HIVEP3: variants seen among roughly 807,000 people sequenced by gnomAD.
HIVEP3 encodes the protein transcription factor HIVEP3.
Under a neutral mutation model 152.8 loss-of-function variants are expected in HIVEP3, and 49 were observed. The observed-to-expected ratio is 0.32, with a 90% CI of 0.26 to 0.41. HIVEP3 has a LOEUF of 0.41. Ranked by LOEUF, HIVEP3 falls within the 10% of genes least tolerant of loss-of-function variation. The pLI is 1.00. For synonymous variants in HIVEP3, 1,269 were observed against 1,289.0 expected (o/e 0.98, Z 0.33); for missense variants, 2,790 against 3,103.3 (o/e 0.90, Z 2.40).
chr1:41,604,894 A>G (rs1160603450), intron 3 of HIVEP3, among the ~76,000 whole-genome samples: 2 of 152,042 alleles, frequency 1.3e-5, no homozygotes, highest in Non-Finnish European at 2.9e-5. Flanking sequence ...GCTTGAGCCC[A>G]GGAATTCGAG....
chr1:41,924,905 G>A (rs1419632628), intron 1 of HIVEP3, among the ~76,000 whole-genome samples: 1 of 152,078 alleles, frequency 6.6e-6, no homozygotes, highest in South Asian at 2.1e-4. Flanking sequence ...GCTTCTCTAG[G>A]CTAAAAGTAA....
upstream of HIVEP3, among the ~76,000 whole-genome samples, chr1:41,921,188 G>A (rs989020563): frequency 6.6e-6 from 1 of 152,108 alleles, no homozygotes; most frequent in Non-Finnish European, 1.5e-5. Flanking sequence ...TGAATAATAT[G>A]GGAAGATACA....
chr1:41,876,485 A>C (rs975540174), intron 1 of HIVEP3, among the ~76,000 whole-genome samples: 7 of 152,214 alleles, frequency 4.6e-5, no homozygotes, highest in African/African-American at 1.7e-4. Context: ...ATAAGAATTA[A>C]GTGAATTAAT....
At chr1:42,010,669 T>G (rs968760628) in intron 1 of HIVEP3, among the ~76,000 whole-genome samples, 1 of 152,218 alleles carries the variant, frequency 6.6e-6, no homozygotes, top group Non-Finnish European at 1.5e-5. Context: ...GATATTACTT[T>G]GCAGTGCTTT....
chr1:41,833,925 C>T (rs372492968), intron 1 of HIVEP3, among the ~76,000 whole-genome samples: 5 of 152,104 alleles, frequency 3.3e-5, no homozygotes, highest in Admixed American at 6.5e-5. Flanking sequence ...TGTGAAATGG[C>T]GAGGGGGTAG....
chr1:41,861,914 T>C (rs1643891631), intron 1 of HIVEP3, among the ~76,000 whole-genome samples: 1 of 152,176 alleles, frequency 6.6e-6, no homozygotes, highest in South Asian at 2.1e-4. Context: ...GGCCACGGTG[T>C]TGGCAACGGG....
chr1:42,005,473 G>A (rs1645454015), intron 1 of HIVEP3, among the ~76,000 whole-genome samples: 1 of 151,986 alleles, frequency 6.6e-6, no homozygotes, highest in Non-Finnish European at 1.5e-5. Flanking sequence ...ATGAATAAAT[G>A]AGTCAGGCAA....
chr1:41,869,677 AC>A (rs1644044436), intron 1 of HIVEP3: 1 of 152,218 alleles, frequency 6.6e-6, no homozygotes, highest in South Asian at 2.1e-4. Flanking sequence ...ACAAAGGGAC[AC>A]ACAGAAACTC....
intron 5 of HIVEP3, among the ~76,000 whole-genome samples, chr1:41,570,365 T>C (rs1196688302): frequency 6.6e-6 from 1 of 152,174 alleles, no homozygotes; most frequent in African/African-American, 2.4e-5. Flanking sequence ...AGGAATTGAA[T>C]CATGGGGGCA....
chr1:41,545,378 TACC>T (rs60196842), intron 5 of HIVEP3, among the ~76,000 whole-genome samples: 1 of 72,888 alleles, frequency 1.4e-5, no homozygotes, highest in East Asian at 5.0e-4. Context: ...CCACCACCAC[TACC>T]ACCACCACCA....
At chr1:41,947,958 C>G (rs558965696) in intron 1 of HIVEP3, among the ~76,000 whole-genome samples, 1 of 152,354 alleles carries the variant, frequency 6.6e-6, no homozygotes, top group African/African-American at 2.4e-5. Context: ...ATATCAGGCT[C>G]TATTACTTGA....
Position 41,662,231 on chromosome 1 carries a change from C to T in HIVEP3, c.-720-33284G>A, listed in dbSNP as rs1277628161. 1 of 145,464 alleles carries T rather than the reference C, an allele frequency of 6.9e-6. No homozygotes were observed. Among genetic ancestry groups the T allele is most frequent in the Admixed American group, 6.8e-5 (1 of 14,696 alleles). The allele number at this position is 145,464 out of a possible 1,614,324, so 9.0% of individuals were successfully genotyped here. Reference sequence around the variant, plus strand: ...GCCCGGCCTCCGCGCGGCTCGGCAGCGCCCGCGCGCTCGGCTCCGCCCGGC... The same window carrying T: ...GCCCGGCCTCCGCGCGGCTCGGCAGTGCCCGCGCGCTCGGCTCCGCCCGGC... On this transcript the variant is annotated intron_variant, in intron 2 of 8. Coordinates refer to ENST00000372583, the MANE Select transcript of HIVEP3 (RefSeq NM_024503.5). The surrounding 1 kb of genome is among the most constrained non-coding windows in gnomAD (Gnocchi z 7.2).
intron 3 of HIVEP3, among the ~76,000 whole-genome samples, chr1:41,592,299 T>A (rs1271607713): frequency 6.6e-6 from 1 of 152,210 alleles, no homozygotes; most frequent in Non-Finnish European, 1.5e-5. Flanking sequence ...CACTTTCCTC[T>A]CTGGGCCTCA....
chr1:41,573,767 T>C (rs1261507237), intron 5 of HIVEP3, among the ~76,000 whole-genome samples: 1 of 151,908 alleles, frequency 6.6e-6, no homozygotes, highest in Non-Finnish European at 1.5e-5. Flanking sequence ...GCGGGAGAGC[T>C]GGGGGGCTAG....
At chr1:41,757,425 T>A (rs1009260113) in intron 1 of HIVEP3, among the ~76,000 whole-genome samples, 1 of 151,442 alleles carries the variant, frequency 6.6e-6, no homozygotes, top group South Asian at 2.1e-4. Context: ...CCCAAAAAAA[T>A]ATTTTTTTAA....
intron 5 of HIVEP3, among the ~76,000 whole-genome samples, chr1:41,564,009 T>C (rs12563526): frequency 0.19 from 28,937 of 152,022 alleles, 3,497 homozygotes; most frequent in East Asian, 0.47. Context: ...CTAGCTAACA[T>C]GGTGAAACCC....
intron 6 of HIVEP3, among the ~76,000 whole-genome samples, chr1:41,523,902 C>T (rs189442393): frequency 2.5e-4 from 38 of 152,336 alleles, no homozygotes; most frequent in Non-Finnish European, 5.1e-4. Context: ...CTCCAAGGCG[C>T]TTCAGTCTGC....
intron 2 of HIVEP3, among the ~76,000 whole-genome samples, chr1:41,644,662 C>A (rs1403520424): frequency 6.7e-6 from 1 of 148,568 alleles, no homozygotes; most frequent in African/African-American, 2.5e-5. Context: ...CCATATAACC[C>A]AGGGATTTAA....
intron 2 of HIVEP3, among the ~76,000 whole-genome samples, chr1:41,680,666 G>A (rs1174729238): frequency 2.0e-5 from 3 of 152,230 alleles, no homozygotes; most frequent in Non-Finnish European, 2.9e-5. Context: ...AAAGCAGAAT[G>A]TGGAGTTCCT....
Sources: gnomAD v4.1 joint callset for allele counts (sites outside exome capture counted in the v4.1 genomes callset) on GRCh38, gnomAD v4.1.1 for gene constraint, Gnocchi (gnomAD v3.1) non-coding constraint, MANE v1.5 for transcripts, NCBI Gene and HGNC (gene_info 2026-07-23, HGNC 2026-07-21) for gene names.